The following GPR158 variants were observed in gnomAD, a reference collection of about 807,000 sequenced individuals.
The protein encoded by GPR158 is metabotropic glycine receptor.
In GPR158, 30 loss-of-function variants were observed where a neutral mutation model predicts 78.2. The ratio of observed to expected loss-of-function variants is 0.38; its 90% confidence interval spans 0.29 to 0.52. The LOEUF is 0.52. GPR158 is among the 20% of genes least tolerant of loss of function. The pLI, the probability that GPR158 is intolerant of heterozygous loss-of-function variation, is 0.83. For synonymous variants in GPR158, 581 were observed against 591.1 expected (o/e 0.98, Z 0.25); for missense variants, 1,463 against 1,523.5 (o/e 0.96, Z 0.66).
In GPR158 at chr10:25,200,602, C is replaced by G. The variant is rs377190004; in HGVS notation, c.903-20450C>G. Among the ~76,000 whole-genome samples, 46 of 152,084 alleles carry G rather than the reference C, an allele frequency of 3.0e-4. No individual in the cohort carries two copies. In the East Asian group the frequency reaches 7.1e-3, roughly 24 times the overall value. On this transcript the variant is annotated intron_variant, in intron 1 of 10. Transcript: ENST00000376351. The stretch of plus-strand genomic sequence containing the variant: ...TTGCCTATATCCAGAATGATATTTC[C>G]TGGGTCATCTTCCAGGGTTTTTATA...
At chr10:25,393,464 T>C (rs987094225) in intron 2 of GPR158, 14 of 152,232 alleles carry the variant, frequency 9.2e-5, no homozygotes, top group Non-Finnish European at 1.9e-4. Context: ...AAACTCCACA[T>C]GCTATATTCG....
At chr10:25,309,678 T>G (rs1279095134) in intron 2 of GPR158, among the ~76,000 whole-genome samples, 1 of 152,130 alleles carries the variant, frequency 6.6e-6, no homozygotes, top group Non-Finnish European at 1.5e-5. Context: ...ATGACCTGGT[T>G]GGAGATAATT....
intron 4 of GPR158, among the ~76,000 whole-genome samples, chr10:25,428,260 G>A (rs530980726): frequency 3.9e-5 from 6 of 152,016 alleles, no homozygotes; most frequent in Admixed American, 3.9e-4. Context: ...CTTGTCACTT[G>A]AGAGTTAAGA....
chr10:25,509,192 T>C (rs1836051832), intron 5 of GPR158, among the ~76,000 whole-genome samples: 1 of 152,144 alleles, frequency 6.6e-6, no homozygotes, highest in Admixed American at 6.5e-5. Flanking sequence ...TCTGGACATT[T>C]TCACATGTCA....
intron 2 of GPR158, among the ~76,000 whole-genome samples, chr10:25,345,406 G>A (rs1291004529): frequency 2.6e-5 from 4 of 151,818 alleles, no homozygotes; most frequent in African/African-American, 9.7e-5. Context: ...AGTACTCCAT[G>A]GGGATTCTAA....
chr10:25,367,298 A>G (rs2130542860), intron 2 of GPR158, among the ~76,000 whole-genome samples: 1 of 151,766 alleles, frequency 6.6e-6, no homozygotes, highest in African/African-American at 2.4e-5. Flanking sequence ...CTCCTTGGGT[A>G]CATGGATTTT....
rs1334948961 is a variant in GPR158 at position 25,396,031 on chromosome 10, CTATGTATATA to C, written c.1111+29_1111+38del. 3 of 1,122,132 alleles carry C rather than the reference CTATGTATATA, an allele frequency of 2.7e-6. No homozygotes were observed. Among genetic ancestry groups the C allele is most frequent in the Non-Finnish European group, 4.1e-6 (3 of 732,856 alleles). The allele number at this position is 1,122,132 out of a possible 1,614,324, so 69.5% of individuals were successfully genotyped here. A position where few individuals can be genotyped will look rare whatever the true frequency, so the allele number is the denominator to read the frequency against. The stretch of plus-strand genomic sequence containing the variant: ...CTTTCGGAGTAAGTGCCCTTTGTTT[CTATGTATATA>C]TATGTATATACATCATATATACTAT... On this transcript the variant is annotated intron_variant, in intron 3 of 10. Transcript: ENST00000376351.
At chr10:25,252,922 G>A (rs1406751581) in intron 2 of GPR158, among the ~76,000 whole-genome samples, 9 of 152,312 alleles carry the variant, frequency 5.9e-5, no homozygotes, top group Middle Eastern at 3.4e-3. Flanking sequence ...CCTCGCTGCC[G>A]CCTTGCAGTT....
chr10:25,280,968 C>T (rs1025676636), intron 2 of GPR158, among the ~76,000 whole-genome samples: 4 of 151,594 alleles, frequency 2.6e-5, no homozygotes, highest in African/African-American at 4.8e-5. Context: ...AATCCCCTCT[C>T]TACTAAAAAT....
At chr10:25,440,870 G>A (rs960475693) in intron 4 of GPR158, among the ~76,000 whole-genome samples, 2 of 152,106 alleles carry the variant, frequency 1.3e-5, no homozygotes, top group Non-Finnish European at 2.9e-5. Context: ...TATTCAGATA[G>A]GATCATCTTT....
At chr10:25,539,239 G>A (rs567493591) in intron 5 of GPR158, among the ~76,000 whole-genome samples, 275 of 152,206 alleles carry the variant, frequency 1.8e-3, no homozygotes, top group African/African-American at 6.4e-3. Context: ...GCCTAGTTGG[G>A]GCATGACCAA....
At chr10:25,501,798 T>C (rs769975413) in intron 5 of GPR158, among the ~76,000 whole-genome samples, 2 of 152,204 alleles carry the variant, frequency 1.3e-5, no homozygotes, top group Non-Finnish European at 2.9e-5. Flanking sequence ...AGGGAAATCA[T>C]AGTTTCCATT....
At chr10:25,401,228 C>T (rs1834441510) in intron 3 of GPR158, among the ~76,000 whole-genome samples, 1 of 152,136 alleles carries the variant, frequency 6.6e-6, no homozygotes, top group African/African-American at 2.4e-5. Context: ...ACCACAGTCT[C>T]ATAAATAGCA....
chr10:25,439,186 A>G (rs188138234), intron 4 of GPR158, among the ~76,000 whole-genome samples: 42 of 152,316 alleles, frequency 2.8e-4, no homozygotes, highest in Admixed American at 1.6e-3. Flanking sequence ...TAATAGACTC[A>G]CAGTTCCACA....
chr10:25,277,049 A>C (rs1424951136), intron 2 of GPR158, among the ~76,000 whole-genome samples: 1 of 151,902 alleles, frequency 6.6e-6, no homozygotes, highest in Non-Finnish European at 1.5e-5. Flanking sequence ...TCCTGGGCTC[A>C]AGGAATCCTC....
At chr10:25,440,252 G>T (rs1401347338) in intron 4 of GPR158, among the ~76,000 whole-genome samples, 3 of 152,204 alleles carry the variant, frequency 2.0e-5, no homozygotes, top group African/African-American at 7.2e-5. Context: ...ACAGGGGCCT[G>T]GGCCACTGAC....
chr10:25,441,936 A>G (rs1228751099), intron 4 of GPR158, among the ~76,000 whole-genome samples: 1 of 152,168 alleles, frequency 6.6e-6, no homozygotes, highest in African/African-American at 2.4e-5. Context: ...GAGACAATGG[A>G]ACGTGAATGG....
chr10:25,510,220 T>C (rs1836066555), intron 5 of GPR158, among the ~76,000 whole-genome samples: 2 of 152,208 alleles, frequency 1.3e-5, no homozygotes, highest in Non-Finnish European at 2.9e-5. Context: ...ATCTGAATTC[T>C]GTTGGTAATG....
intron 2 of GPR158, among the ~76,000 whole-genome samples, chr10:25,225,183 C>CTTTTT (rs60603738): frequency 0.014 from 1,820 of 134,728 alleles, 55 homozygotes; most frequent in African/African-American, 0.039. Flanking sequence ...GAACATTTGC[C>CTTTTT]TTTTTTTTTT....
Sources: allele counts gnomAD v4.1 joint callset (sites outside exome capture counted in the v4.1 genomes callset), GRCh38; gene constraint gnomAD v4.1.1; transcripts MANE v1.5; gene names NCBI Gene and HGNC (gene_info 2026-07-23, HGNC 2026-07-21).